Variants in TPD52L1 observed in about 807,000 individuals in gnomAD.
The protein encoded by TPD52L1 is TPD52 like 1.
In TPD52L1, 18 loss-of-function variants were observed where a neutral mutation model predicts 28.7. That is an observed-to-expected ratio of 0.63 (90% CI 0.43 to 0.93). The LOEUF (loss-of-function observed/expected upper bound fraction) is 0.93. TPD52L1 is among the 40% of genes least tolerant of loss of function. TPD52L1 has a pLI of 0.00. For synonymous variants in TPD52L1, 75 were observed against 88.8 expected, an observed-to-expected ratio of 0.84 and a Z score of 0.88; for missense variants, 203 against 254.8, an observed-to-expected ratio of 0.80 and a Z score of 1.39.
At chr6:125,209,214 A>G (rs1794349883) in intron 1 of TPD52L1, among the ~76,000 whole-genome samples, 2 of 152,200 alleles carry the variant, frequency 1.3e-5, no homozygotes, top group South Asian at 2.1e-4. Flanking sequence ...AGCGTGGCCT[A>G]TGCTCTCAGG....
chr6:125,259,342 T>C (rs1797782348), intron 6 of TPD52L1, among the ~76,000 whole-genome samples: 1 of 152,250 alleles, frequency 6.6e-6, no homozygotes, highest in Non-Finnish European at 1.5e-5. Context: ...CAATCTGTCA[T>C]GTACCATGTG....
At chr6:125,190,819 T>G (rs928274780) in intron 1 of TPD52L1, among the ~76,000 whole-genome samples, 4 of 152,180 alleles carry the variant, frequency 2.6e-5, no homozygotes, top group Non-Finnish European at 5.9e-5. Flanking sequence ...GCTCAGGCTG[T>G]AATGCAAGCA....
At chr6:125,222,539 G>A (rs1338857900) in intron 2 of TPD52L1, among the ~76,000 whole-genome samples, 2 of 152,198 alleles carry the variant, frequency 1.3e-5, no homozygotes, top group Non-Finnish European at 2.9e-5. Context: ...TGTGCCAGGT[G>A]TCCAGCCTCC....
chr6:125,210,895 G>A (rs1014158220), intron 1 of TPD52L1, among the ~76,000 whole-genome samples: 1 of 152,162 alleles, frequency 6.6e-6, no homozygotes, highest in Admixed American at 6.5e-5. Context: ...TTGAAAAGGG[G>A]TGGAGCTGGA....
intron 1 of TPD52L1, among the ~76,000 whole-genome samples, chr6:125,201,713 T>A (rs989898750): frequency 2.0e-5 from 3 of 152,242 alleles, no homozygotes; most frequent in Non-Finnish European, 4.4e-5. Flanking sequence ...TCCCTATTGC[T>A]AGTGAGGATA....
intron 1 of TPD52L1, chr6:125,203,791 G>A: frequency 1.0e-6 from 1 of 985,404 alleles, no homozygotes; most frequent in Non-Finnish European, 1.2e-6. Flanking sequence ...AGGAACCTAA[G>A]TTTCTGTATT....
chr6:125,247,854 C>G (rs1248655934), intron 3 of TPD52L1, among the ~76,000 whole-genome samples: 6 of 151,940 alleles, frequency 3.9e-5, no homozygotes, highest in Non-Finnish European at 8.8e-5. Context: ...CTTATTTTAC[C>G]CAAATTAACA....
intron 3 of TPD52L1, among the ~76,000 whole-genome samples, chr6:125,241,862 G>A (rs924715885): frequency 3.4e-4 from 51 of 148,946 alleles, no homozygotes; most frequent in African/African-American, 9.4e-4. Flanking sequence ...TTCTTCTGCT[G>A]GGTTTGGGTT....
intron 1 of TPD52L1, chr6:125,219,746 G>A: frequency 2.8e-6 from 1 of 358,894 alleles, no homozygotes; most frequent in South Asian, 2.4e-5. Context: ...CGGGCCTTGG[G>A]CTTTGTCCTC....
intron 1 of TPD52L1, among the ~76,000 whole-genome samples, chr6:125,155,098 C>T (rs1256167624): frequency 3.3e-5 from 5 of 152,180 alleles, no homozygotes; most frequent in Non-Finnish European, 5.9e-5. Flanking sequence ...TTGTTCCATC[C>T]TCCTAAGTCC....
At chr6:125,257,776 A>G (rs746588563) in intron 6 of TPD52L1, among the ~76,000 whole-genome samples, 2 of 152,232 alleles carry the variant, frequency 1.3e-5, no homozygotes, top group Non-Finnish European at 2.9e-5. Context: ...TTGTTCTAGC[A>G]TAGGTAAGTT....
At chr6:125,214,204 A>T (rs1562298118) in intron 1 of TPD52L1, among the ~76,000 whole-genome samples, 1 of 152,190 alleles carries the variant, frequency 6.6e-6, no homozygotes, top group Non-Finnish European at 1.5e-5. Flanking sequence ...GGCCAAGGGC[A>T]TGGGAATCAT....
chr6:125,162,331 T>C (rs748118916), intron 1 of TPD52L1, among the ~76,000 whole-genome samples: 25 of 152,212 alleles, frequency 1.6e-4, no homozygotes, highest in Non-Finnish European at 3.1e-4. Flanking sequence ...GAACATATTT[T>C]GAATTGCCTT....
intron 1 of TPD52L1, among the ~76,000 whole-genome samples, chr6:125,202,596 A>C (rs1184017170): frequency 6.6e-6 from 1 of 152,080 alleles, no homozygotes; most frequent in Non-Finnish European, 1.5e-5. Context: ...GGAGAAGAAG[A>C]AGAGATTACT....
intron 3 of TPD52L1, among the ~76,000 whole-genome samples, chr6:125,246,067 TAC>T (rs983986684): frequency 6.6e-6 from 1 of 152,222 alleles, no homozygotes; most frequent in Non-Finnish European, 1.5e-5. Context: ...CTCTGTGAGA[TAC>T]AGTTATATAC....
chr6:125,190,144 G>T (rs1377704813), intron 1 of TPD52L1, among the ~76,000 whole-genome samples: 40 of 152,074 alleles, frequency 2.6e-4, no homozygotes, highest in Admixed American at 2.6e-3. Flanking sequence ...ACTGGAAATA[G>T]TTTCTGTGAA....
At chr6:125,159,839 T>C (rs974265248) in intron 1 of TPD52L1, among the ~76,000 whole-genome samples, 2 of 152,234 alleles carry the variant, frequency 1.3e-5, no homozygotes, top group African/African-American at 4.8e-5. Flanking sequence ...CCACGTATGA[T>C]ATTGTTTGGC....
In TPD52L1 at chr6:125,261,019, A is replaced by AAAG. The variant is rs1562412007; in HGVS notation, c.487-1813_487-1812insGAA. 52 of 32,056 alleles carry AAAG rather than the reference A, an allele frequency of 1.6e-3. 5 individuals carry two copies. Among genetic ancestry groups the AAAG allele is most frequent in the African/African-American group, 0.013 (52 of 3,870 alleles). The allele number at this position is 32,056 out of a possible 1,614,324, so 2.0% of individuals were successfully genotyped here. On this transcript the variant is annotated intron_variant, in intron 6 of 6. Coordinates refer to ENST00000534000, the MANE Select transcript of TPD52L1 (RefSeq NM_003287.4). ...GAAAGAAAGAAAGAAAGAAAGAAAGAAAAGAAAAGAAAGAAAGAAAGAAAG... is the reference window on the plus strand; with the variant it reads ...GAAAGAAAGAAAGAAAGAAAGAAAGAAAGAAAGAAAAGAAAGAAAGAAAGAAAG...
chr6:125,211,307 C>T (rs1187935833), intron 1 of TPD52L1, among the ~76,000 whole-genome samples: 3 of 147,048 alleles, frequency 2.0e-5, no homozygotes, highest in African/African-American at 5.3e-5. Flanking sequence ...ATCTATCTAT[C>T]GTGTAACACA....
Sources: allele counts gnomAD v4.1 joint callset (sites outside exome capture counted in the v4.1 genomes callset), GRCh38; gene constraint gnomAD v4.1.1; transcripts MANE v1.5; gene names NCBI Gene and HGNC (gene_info 2026-07-23, HGNC 2026-07-21).